The following STK32B variants were observed in gnomAD, a reference collection of about 807,000 sequenced individuals.
STK32B encodes serine/threonine-protein kinase 32B.
A neutral mutation model predicts 52.6 loss-of-function variants in STK32B; 43 were observed. The observed-to-expected ratio is 0.82, with a 90% CI of 0.64 to 1.05. The LOEUF (loss-of-function observed/expected upper bound fraction) is 1.05. Among genes scored for constraint, STK32B ranks in the 50% least tolerant of loss-of-function variants. STK32B has a pLI of 0.00. For synonymous variants in STK32B, 238 were observed against 204.3 expected (o/e 1.17, Z -1.41); for missense variants, 621 against 534.6 (o/e 1.16, Z -1.59).
At chr4:5,403,404 A>G (rs1213556201) in intron 5 of STK32B, among the ~76,000 whole-genome samples, 2 of 152,080 alleles carry the variant, frequency 1.3e-5, no homozygotes, top group South Asian at 2.1e-4. Context: ...GGAAACCACA[A>G]TAAAGGCTCT....
intron 6 of STK32B, 67 bp from the exon 7 acceptor site, chr4:5,446,606 C>G (rs953679535): frequency 7.1e-7 from 1 of 1,400,084 alleles, no homozygotes; most frequent in Non-Finnish European, 1.0e-6. Context: ...TCCTTGTCCC[C>G]TCTCTAAGGG....
chr4:5,335,944 T>A (rs1331245609), intron 4 of STK32B, among the ~76,000 whole-genome samples: 1 of 151,122 alleles, frequency 6.6e-6, no homozygotes, highest in Non-Finnish European at 1.5e-5. Flanking sequence ...GCTGAAAACT[T>A]AAGTAGTATT....
intron 1 of STK32B, among the ~76,000 whole-genome samples, chr4:5,133,461 G>A (rs548571680): frequency 2.0e-5 from 3 of 152,170 alleles, no homozygotes; most frequent in South Asian, 4.1e-4. Flanking sequence ...ACTACTCAAT[G>A]TAGGTCATTC....
intron 1 of STK32B, among the ~76,000 whole-genome samples, chr4:5,136,855 A>G (rs1204719358): frequency 5.9e-5 from 9 of 152,198 alleles, no homozygotes; most frequent in African/African-American, 1.4e-4. Context: ...TGCCAAATAA[A>G]TAGGAACCAC....
intron 4 of STK32B, among the ~76,000 whole-genome samples, chr4:5,367,010 G>A (rs1164378903): frequency 2.0e-5 from 3 of 152,086 alleles, no homozygotes; most frequent in Non-Finnish European, 4.4e-5. Context: ...AGTAAGTAGT[G>A]AAGGGAGTTT....
chr4:5,254,090 T>G (rs986347560), intron 3 of STK32B, among the ~76,000 whole-genome samples: 1 of 151,198 alleles, frequency 6.6e-6, no homozygotes, highest in African/African-American at 2.5e-5. Context: ...CAGCTGAATC[T>G]TTTTTTGTAG....
intron 1 of STK32B, among the ~76,000 whole-genome samples, chr4:5,100,677 C>CTTCCCTGCTT (rs1713707888): frequency 2.7e-5 from 1 of 37,634 alleles, no homozygotes; most frequent in Non-Finnish European, 4.9e-5. Context: ...TCTTTCTTTC[C>CTTCCCTGCTT]TTTCTTACTT....
At chr4:5,370,077 T>C (rs1161745980) in intron 4 of STK32B, among the ~76,000 whole-genome samples, 12 of 152,108 alleles carry the variant, frequency 7.9e-5, no homozygotes, top group Non-Finnish European at 1.8e-4. Flanking sequence ...GGTTTCACCA[T>C]TTTGGTCAGG....
intron 4 of STK32B, among the ~76,000 whole-genome samples, chr4:5,335,309 G>A (rs1732580532): frequency 6.6e-6 from 1 of 151,964 alleles, no homozygotes; most frequent in Admixed American, 6.6e-5. Flanking sequence ...TATTTCTGTG[G>A]GATCAGTGAT....
At chr4:5,496,089 A>G (rs1307006652) in intron 11 of STK32B, among the ~76,000 whole-genome samples, 1 of 152,178 alleles carries the variant, frequency 6.6e-6, no homozygotes, top group Non-Finnish European at 1.5e-5. Flanking sequence ...TGCTGGGAGA[A>G]CCACTGCTCT....
intron 3 of STK32B, among the ~76,000 whole-genome samples, chr4:5,210,547 G>C (rs1722845336): frequency 6.6e-6 from 1 of 152,118 alleles, no homozygotes; most frequent in Non-Finnish European, 1.5e-5. Flanking sequence ...CTTATGGTGT[G>C]CATTATGAAC....
rs570496495 is a variant in STK32B at position 5,325,973 on chromosome 4, G to C, written c.261-5247G>C. Among the ~76,000 whole-genome samples the C allele has an allele frequency of 7.6e-4, 115 of 152,304 alleles. 1 individual carries two copies. The highest frequency in any genetic ancestry group is 2.7e-3 in the African/African-American group (113 of 41,566). On this transcript the variant is annotated intron_variant, in intron 3 of 11. Transcript: ENST00000282908. ...TGTCTCTGGGAATGTAGGGTCTGTGGCCTGGTGAAGAATGTGGATCTGCAG... is the reference window on the plus strand; with the variant it reads ...TGTCTCTGGGAATGTAGGGTCTGTGCCCTGGTGAAGAATGTGGATCTGCAG...
intron 4 of STK32B, among the ~76,000 whole-genome samples, chr4:5,362,801 A>C (rs1327473659): frequency 6.6e-6 from 1 of 152,182 alleles, no homozygotes; most frequent in Admixed American, 6.5e-5. Context: ...GCCTTCCCTG[A>C]GGCAAAGGCA....
chr4:5,180,982 T>C (rs1268458883), intron 3 of STK32B, among the ~76,000 whole-genome samples: 1 of 152,102 alleles, frequency 6.6e-6, no homozygotes, highest in Non-Finnish European at 1.5e-5. Flanking sequence ...AAAGAAAAGC[T>C]GCACCCCAGA....
intron 7 of STK32B, among the ~76,000 whole-genome samples, chr4:5,448,645 C>T (rs1017078719): frequency 1.3e-5 from 2 of 152,142 alleles, no homozygotes; most frequent in African/African-American, 4.8e-5. Context: ...TTTAATTCTT[C>T]TGAGTTTTCT....
chr4:5,112,332 AG>A (rs2108803131), intron 1 of STK32B, among the ~76,000 whole-genome samples: 1 of 152,342 alleles, frequency 6.6e-6, no homozygotes, highest in South Asian at 2.1e-4. Context: ...TCATGTATTC[AG>A]GAGACTAAGA....
intron 11 of STK32B, among the ~76,000 whole-genome samples, chr4:5,489,688 T>G (rs1020805799): frequency 1.2e-4 from 19 of 152,226 alleles, no homozygotes; most frequent in African/African-American, 4.1e-4. Context: ...CAGCACAATC[T>G]TGGCTCACTG....
intron 3 of STK32B, among the ~76,000 whole-genome samples, chr4:5,299,324 A>G (rs1033115658): frequency 2.0e-5 from 3 of 152,092 alleles, no homozygotes; most frequent in African/African-American, 7.2e-5. Flanking sequence ...GGAAGCACAA[A>G]GGAATTTCCT....
chr4:5,459,442 G>A (rs978736077), intron 8 of STK32B, among the ~76,000 whole-genome samples: 2 of 152,230 alleles, frequency 1.3e-5, no homozygotes, highest in African/African-American at 4.8e-5. Context: ...GGTCACAGCT[G>A]TTAAATGACA....
Sources: allele counts gnomAD v4.1 joint callset (sites outside exome capture counted in the v4.1 genomes callset), GRCh38; gene constraint gnomAD v4.1.1; transcripts MANE v1.5; gene names NCBI Gene and HGNC (gene_info 2026-07-23, HGNC 2026-07-21).